The following SLC37A2 variants were observed in gnomAD, a reference collection of about 807,000 sequenced individuals.
SLC37A2 encodes solute carrier family 37 member 2, also known as glucose-6-phosphate exchanger SLC37A2.
Under a neutral mutation model 70.7 loss-of-function variants are expected in SLC37A2, and 59 were observed. The observed-to-expected ratio is 0.83, with a 90% confidence interval of 0.68 to 1.04. SLC37A2 has a LOEUF of 1.04. SLC37A2 is among the 50% of genes least tolerant of loss of function. The probability of loss-of-function intolerance (pLI) is 0.00; values close to 1 mark genes in which losing one functional copy is unlikely to be tolerated. For synonymous variants in SLC37A2, 257 were observed against 262.1 expected, an observed-to-expected ratio of 0.98 and a Z score of 0.19; for missense variants, 580 against 658.1, an observed-to-expected ratio of 0.88 and a Z score of 1.30.
chr11:125,069,075 G>A (rs188012655), intron 1 of SLC37A2, among the ~76,000 whole-genome samples: 18 of 152,354 alleles, frequency 1.2e-4, no homozygotes, highest in Non-Finnish European at 5.9e-5. Flanking sequence ...TCAGTGCCAG[G>A]CTGATATGAA....
At chr11:125,084,652 T>G (rs1315821354) in intron 12 of SLC37A2, among the ~76,000 whole-genome samples, 173 bp from the exon 13 acceptor site, 2 of 152,196 alleles carry the variant, frequency 1.3e-5, no homozygotes, top group Non-Finnish European at 2.9e-5. Context: ...GTACCACGTT[T>G]TAGACCGTCC....
At chr11:125,081,341 A>G in intron 7 of SLC37A2, 80 bp from the exon 8 acceptor site, 1 of 1,412,482 alleles carries the variant, frequency 7.1e-7, no homozygotes, top group Admixed American at 2.0e-5. Flanking sequence ...GATCCAGTGC[A>G]AGGTGAGGGC....
rs1565395328 is a variant in SLC37A2 at position 125,073,167 on chromosome 11, CGTGGGG to C, written c.60-3589_60-3584del. On this transcript the variant is annotated intron_variant, in intron 1 of 17. Transcript: ENST00000403796. ...TTGGAACCTACCAGGTCAGGATGCACGTGGGGACCCCTACTGACTTTCCTGTCTGCC... is the reference window on the plus strand; with the variant it reads ...TTGGAACCTACCAGGTCAGGATGCACACCCCTACTGACTTTCCTGTCTGCC... Among the ~76,000 whole-genome samples the C allele has an allele frequency of 1.6e-4, 24 of 152,258 alleles. No individual in the cohort carries two copies. In the East Asian group the frequency reaches 4.1e-3, roughly 26 times the overall value.
rs1275966181 is a variant in SLC37A2 at position 125,063,930 on chromosome 11, G to A, written c.59+504G>A. Among the ~76,000 whole-genome samples the A allele has an allele frequency of 2.0e-5, 3 of 152,210 alleles. No homozygotes were observed. Among genetic ancestry groups the A allele is most frequent in the Non-Finnish European group, 2.9e-5 (2 of 68,038 alleles). On this transcript the variant is annotated intron_variant, in intron 1 of 17. Coordinates refer to ENST00000403796, the MANE Select transcript of SLC37A2 (RefSeq NM_001145290.2). The surrounding 1 kb of genome is among the most constrained non-coding windows in gnomAD (Gnocchi z 5.4). The stretch of plus-strand genomic sequence containing the variant: ...TGGGAGCTCGTCTCGAGGCCTTTCA[G>A]CACCTGGAAAGGGCACAGCTCTCAG...
intron 1 of SLC37A2, among the ~76,000 whole-genome samples, chr11:125,067,829 T>C (rs923427592): frequency 1.3e-5 from 2 of 152,228 alleles, no homozygotes; most frequent in South Asian, 4.1e-4. Context: ...CCCTTTCTTA[T>C]TCTGGAACAA....
chr11:125,079,022 A>T, intron 4 of SLC37A2, 90 bp from the exon 5 acceptor site: 1 of 1,563,802 alleles, frequency 6.4e-7, no homozygotes, highest in Admixed American at 1.7e-5. Context: ...GGCCAGAGCC[A>T]CTTCCTAGCG....
rs2135580194 is a variant in SLC37A2 at position 125,088,354 on chromosome 11, T to G, written c.*220T>G. The G allele has an allele frequency of 1.7e-6, 1 of 582,378 alleles. No homozygotes were observed. Among genetic ancestry groups the G allele is most frequent in the East Asian group, 2.8e-5 (1 of 35,322 alleles). 36.1% of individuals were successfully genotyped at this position (582,378 alleles called of 1,614,324 possible). A position where few individuals can be genotyped will look rare whatever the true frequency, so the allele number is the denominator to read the frequency against. On this transcript the variant is annotated 3_prime_UTR_variant, in exon 18 of 18. Transcript: ENST00000403796. ...AAATAGAAGATTCAGGGGCCTGAGC[T>G]CTGGAAGCTGCAAGCAAAAGGGATG...
At position 125,088,102 on chromosome 11, in the gene SLC37A2, C is replaced by T; in HGVS notation, c.1491-17C>T. 3.2e-6 allele frequency: 5 copies of T among 1,551,906 alleles called. No individual in the cohort carries two copies. The highest frequency in any genetic ancestry group is 2.4e-5 in the South Asian group (2 of 84,062). On this transcript the variant is annotated splice_polypyrimidine_tract_variant and intron_variant, in intron 17 of 17. Coordinates refer to ENST00000403796, the MANE Select transcript of SLC37A2 (RefSeq NM_001145290.2). ...CATCTCACTTTCTCTTCTGTCCCCC[C>T]TCTCCTCTTCATGCAGGTATAAAGA...
Position 125,090,069 on chromosome 11 carries a change from C to T in SLC37A2, c.*1935C>T, listed in dbSNP as rs565157324. The T allele has an allele frequency of 6.6e-6, 1 of 152,444 alleles. No individual in the cohort carries two copies. Among genetic ancestry groups the T allele is most frequent in the South Asian group, 2.1e-4 (1 of 4,826 alleles). 9.4% of individuals were successfully genotyped at this position (152,444 alleles called of 1,614,324 possible). A position where few individuals can be genotyped will look rare whatever the true frequency, so the allele number is the denominator to read the frequency against. ...GTTTGTGAGTGCACCAGTCGACACT[C>T]TGTATCTAGCTGCTCTGGTGGGGCC... On this transcript the variant is annotated 3_prime_UTR_variant, in exon 18 of 18. Transcript: ENST00000403796.
chr11:125,080,744 G>T lies in SLC37A2; in HGVS notation c.658G>T (p.Val220Phe), dbSNP rs34649502. The T allele has an allele frequency of 4.6e-6, 7 of 1,532,914 alleles. No individual in the cohort carries two copies. Among genetic ancestry groups the T allele is most frequent in the Non-Finnish European group, 6.2e-6 (7 of 1,136,582 alleles). 95.0% of individuals were successfully genotyped at this position (1,532,914 alleles called of 1,614,324 possible). The change falls in exon 7 of 18, where the codon GTC (valine) becomes TTC (phenylalanine). Residue 220 changes from valine (V) to phenylalanine (F), a missense_variant. Physicochemically the swap from Val to Phe is conservative, Grantham distance 50. Transcript: ENST00000403796. This position sits in a 1 kb window ranked among gnomAD's most constrained non-coding sequence, Gnocchi z 4.3. The part of the protein sequence containing the change: ...SFIVPGIITA[V>F]MGVITFLFLI... ...CATCGTGCCTGGCATCATTACTGCC[G>T]TCATGGGCGTCATCACCTTCCTCTT...
chr11:125,068,598 C>T (rs927020830), intron 1 of SLC37A2, among the ~76,000 whole-genome samples: 6 of 152,070 alleles, frequency 3.9e-5, no homozygotes, highest in South Asian at 2.1e-4. Context: ...AGAGGACCAG[C>T]GAGGGGAATG....
In SLC37A2 at chr11:125,077,277, T is replaced by C; in HGVS notation, c.189T>C (p.Asp63=). Residue 63 remains aspartate (D), a synonymous_variant, in exon 3 of 18, where the codon GAT becomes GAC. Transcript: ENST00000403796. Reference sequence around the variant, plus strand: ...CGGAGCAGATCAAACCCATCAATGATACTCACAGTCTCAATGACACCATGT... The same window carrying C: ...CGGAGCAGATCAAACCCATCAATGACACTCACAGTCTCAATGACACCATGT... ...NCSEQIKPIN[D]THSLNDTMWC... The C allele has an allele frequency of 6.2e-7, 1 of 1,608,724 alleles. No homozygotes were observed. Among genetic ancestry groups the C allele is most frequent in the Non-Finnish European group, 8.5e-7 (1 of 1,177,256 alleles).
chr11:125,065,096 C>T (rs1028827553), intron 1 of SLC37A2, among the ~76,000 whole-genome samples: 1 of 152,194 alleles, frequency 6.6e-6, no homozygotes, highest in Admixed American at 6.5e-5. Context: ...CATGGCTTCT[C>T]AGTTACCTAC....
intron 1 of SLC37A2, among the ~76,000 whole-genome samples, chr11:125,068,079 G>T (rs374606651): frequency 1.3e-5 from 2 of 152,072 alleles, no homozygotes; most frequent in Non-Finnish European, 2.9e-5. Flanking sequence ...TCAGTAATAC[G>T]CATAACATGA....
Position 125,088,370 on chromosome 11 carries a change from A to C in SLC37A2, c.*236A>C. Reference sequence around the variant, plus strand: ...GGCCTGAGCTCTGGAAGCTGCAAGCAAAAGGGATGGGACTAGGGCTGAGTT... The same window carrying C: ...GGCCTGAGCTCTGGAAGCTGCAAGCCAAAGGGATGGGACTAGGGCTGAGTT... On this transcript the variant is annotated 3_prime_UTR_variant, in exon 18 of 18. Coordinates refer to ENST00000403796, the MANE Select transcript of SLC37A2 (RefSeq NM_001145290.2). The C allele has an allele frequency of 3.5e-6, 2 of 571,112 alleles. No individual in the cohort carries two copies. The highest frequency in any genetic ancestry group is 6.1e-5 in the Admixed American group (2 of 32,906). 35.4% of individuals were successfully genotyped at this position (571,112 alleles called of 1,614,324 possible). A position where few individuals can be genotyped will look rare whatever the true frequency, so the allele number is the denominator to read the frequency against.
chr11:125,075,988 A>T (rs113216752), intron 1 of SLC37A2, among the ~76,000 whole-genome samples: 1 of 152,030 alleles, frequency 6.6e-6, no homozygotes, highest in African/African-American at 2.4e-5. Flanking sequence ...GGAAGCAGAT[A>T]GTGACTCAGC....
chr11:125,068,867 C>G (rs1949004222), intron 1 of SLC37A2, among the ~76,000 whole-genome samples: 1 of 152,176 alleles, frequency 6.6e-6, no homozygotes, highest in South Asian at 2.1e-4. Context: ...AATGAGAAAT[C>G]AAATCTCTGT....
chr11:125,070,984 T>C (rs911324223), intron 1 of SLC37A2, among the ~76,000 whole-genome samples: 4 of 152,216 alleles, frequency 2.6e-5, no homozygotes, highest in African/African-American at 4.8e-5. Flanking sequence ...GGCCTTGTTT[T>C]TTCCATTCAA....
chr11:125,085,174 T>TTGG (rs1257553101), intron 14 of SLC37A2, 35 bp downstream of exon 14: 1 of 1,597,036 alleles, frequency 6.3e-7, no homozygotes, highest in Non-Finnish European at 8.6e-7. Context: ...CCAGGGACCG[T>TTGG]TCTGGGGGCT....
Sources: gnomAD v4.1 joint callset for allele counts (sites outside exome capture counted in the v4.1 genomes callset) on GRCh38, gnomAD v4.1.1 for gene constraint, Gnocchi (gnomAD v3.1) non-coding constraint, MANE v1.5 for transcripts, NCBI Gene and HGNC (gene_info 2026-07-23, HGNC 2026-07-21) for gene names.